The following OSBPL10 variants were observed in gnomAD, a reference collection of about 807,000 sequenced individuals.
The protein encoded by OSBPL10 is oxysterol binding protein like 10.
OSBPL10 carries 49 observed loss-of-function variants against 81.7 expected under a neutral mutation model. That is an observed-to-expected ratio of 0.60 (90% CI 0.48 to 0.76). The LOEUF is 0.76. Ranked by LOEUF, OSBPL10 falls within the 30% of genes least tolerant of loss-of-function variation. The pLI, the probability that OSBPL10 is intolerant of heterozygous loss-of-function variation, is 0.00. For synonymous variants in OSBPL10, 419 were observed against 383.6 expected, an observed-to-expected ratio of 1.09 and a Z score of -1.08; for missense variants, 923 against 987.8, an observed-to-expected ratio of 0.93 and a Z score of 0.88.
chr3:31,678,878 T>C (rs973009162), intron 8 of OSBPL10, among the ~76,000 whole-genome samples: 1 of 151,774 alleles, frequency 6.6e-6, no homozygotes, highest in Non-Finnish European at 1.5e-5. Flanking sequence ...TCTGCTTCTA[T>C]CTTTGCACTG....
At chr3:32,001,267 T>TC (rs1462533504) in intron 2 of OSBPL10, among the ~76,000 whole-genome samples, 4 of 152,156 alleles carry the variant, frequency 2.6e-5, no homozygotes, top group Non-Finnish European at 5.9e-5. Context: ...CTTCCCGGTC[T>TC]CCAACCCTTC....
chr3:32,068,997 G>A (rs1699805340), intron 1 of OSBPL10, among the ~76,000 whole-genome samples: 1 of 151,878 alleles, frequency 6.6e-6, no homozygotes, highest in African/African-American at 2.4e-5. Flanking sequence ...CCCACACCCG[G>A]TCTGGTTTAC....
At chr3:31,892,776 CA>C (rs1464473520) in intron 1 of OSBPL10, among the ~76,000 whole-genome samples, 1 of 152,096 alleles carries the variant, frequency 6.6e-6, no homozygotes, top group African/African-American at 2.4e-5. Flanking sequence ...GGTAAAGTGG[CA>C]ATTGCAGGCA....
chr3:31,969,731 T>A (rs2125487379), intron 1 of OSBPL10, among the ~76,000 whole-genome samples: 1 of 152,262 alleles, frequency 6.6e-6, no homozygotes, highest in South Asian at 2.1e-4. Context: ...GGCAGGCACC[T>A]GTAATCCCAG....
chr3:31,960,720 T>C (rs1007209688), intron 1 of OSBPL10, among the ~76,000 whole-genome samples: 4 of 152,150 alleles, frequency 2.6e-5, no homozygotes, highest in African/African-American at 4.8e-5. Context: ...CTGGAAACTG[T>C]TGCAAGAGAC....
chr3:31,999,549 A>G (rs1699124830), intron 2 of OSBPL10, among the ~76,000 whole-genome samples: 1 of 151,876 alleles, frequency 6.6e-6, no homozygotes, highest in African/African-American at 2.4e-5. Flanking sequence ...TAGTAGAGAC[A>G]CGGTTTCTCC....
intron 4 of OSBPL10, among the ~76,000 whole-genome samples, chr3:31,761,813 T>TTAAAAAAAAAAAAAAAAAAAAAAA (rs1440652912): frequency 9.3e-6 from 1 of 107,554 alleles, no homozygotes; most frequent in African/African-American, 6.4e-5. Context: ...AGACTGTCTC[T>TTAAAAAAAAAAAAAAAAAAAAAAA]AAAAAAAAAA....
chr3:31,942,886 T>C (rs906527519), intron 1 of OSBPL10, among the ~76,000 whole-genome samples: 1 of 152,228 alleles, frequency 6.6e-6, no homozygotes, highest in Non-Finnish European at 1.5e-5. Flanking sequence ...CATGTTTAGG[T>C]GTACAATTCA....
chr3:31,944,884 G>T (rs1031675276), intron 1 of OSBPL10, among the ~76,000 whole-genome samples: 16 of 140,412 alleles, frequency 1.1e-4, no homozygotes, highest in African/African-American at 4.3e-4. Context: ...CAGGCACAGT[G>T]GCTTATGCCT....
chr3:31,989,729 T>C, intron 2 of OSBPL10: 1 of 1,614,100 alleles, frequency 6.2e-7, no homozygotes, highest in Non-Finnish European at 8.5e-7. Context: ...TCATCATTAC[T>C]CACACTAAAA....
At position 31,981,089 on chromosome 3, in the gene OSBPL10, G is replaced by C; in HGVS notation, c.91C>G (p.Pro31Ala). ...CCCCGGCCCGCCAGAGAGCAGGAGG[G>C]CGAGGAGCCCGCCGAGGTAGCACGG... ...SSRATSAGSS[P>A]SCSLAGRGVS... is the part of the protein sequence containing the mutation. The change falls in exon 1 of 12, where the codon CCC (proline) becomes GCC (alanine). Residue 31 changes from proline to alanine, a missense_variant. Coordinates refer to ENST00000396556, the MANE Select transcript of OSBPL10 (RefSeq NM_017784.5). This position sits in a 1 kb window ranked among gnomAD's most constrained non-coding sequence, Gnocchi z 4.5. 6.7e-7 allele frequency: 1 copy of C among 1,493,032 alleles called. No homozygotes were observed. The highest frequency in any genetic ancestry group is 2.3e-5 in the Admixed American group (1 of 44,008). The allele number at this position is 1,493,032 out of a possible 1,614,324, so 92.5% of individuals were successfully genotyped here.
At chr3:31,812,902 T>G (rs1354292768) in intron 4 of OSBPL10, among the ~76,000 whole-genome samples, 2 of 152,104 alleles carry the variant, frequency 1.3e-5, no homozygotes, top group East Asian at 3.9e-4. Context: ...AAAGATAAAA[T>G]GTGTACTAAA....
At chr3:31,879,893 A>C (rs1559503092) in intron 1 of OSBPL10, 63 bp from the exon 2 acceptor site, 1 of 1,494,424 alleles carries the variant, frequency 6.7e-7, no homozygotes, top group Non-Finnish European at 8.9e-7. Flanking sequence ...AGCAAAGCAG[A>C]AAAAAGCAAA....
At chr3:31,779,379 T>G (rs1698627585) in intron 4 of OSBPL10, among the ~76,000 whole-genome samples, 1 of 152,138 alleles carries the variant, frequency 6.6e-6, no homozygotes, top group South Asian at 2.1e-4. Flanking sequence ...AAAAAGATAT[T>G]CCATGCAAAT....
chr3:31,926,741 T>C (rs1697085636), intron 1 of OSBPL10, among the ~76,000 whole-genome samples: 1 of 152,112 alleles, frequency 6.6e-6, no homozygotes, highest in South Asian at 2.1e-4. Flanking sequence ...GTTATTACTT[T>C]GACATATGAA....
chr3:31,683,876 T>C lies in OSBPL10; in HGVS notation c.1484A>G (p.Lys495Arg). The change falls in exon 8 of 12, where the codon AAG becomes AGG. Residue 495 changes from lysine (K) to arginine (R), a missense_variant. Lys to Arg is a conservative substitution (Grantham distance 26, BLOSUM62 2). Transcript: ENST00000396556. The stretch of plus-strand genomic sequence containing the variant: ...AGTCCTCTTAGGCTTGACCCTGTCC[T>C]TGGGAACTTCCCAGGAGCAGTGAAA... Reference protein sequence around the residue: ...ETFHCSWEVPKDRVKPKRTAS... With the variant: ...ETFHCSWEVPRDRVKPKRTAS... 1.2e-6 allele frequency: 2 copies of C among 1,614,212 alleles called. No homozygotes were observed. Among genetic ancestry groups the C allele is most frequent in the Non-Finnish European group, 1.7e-6 (2 of 1,180,034 alleles).
chr3:31,781,245 A>G (rs536944180), intron 4 of OSBPL10, among the ~76,000 whole-genome samples: 2 of 152,236 alleles, frequency 1.3e-5, no homozygotes, highest in East Asian at 1.9e-4. Context: ...TGGAAAAAGC[A>G]TTTGACAAAA....
intron 1 of OSBPL10, among the ~76,000 whole-genome samples, chr3:31,968,639 C>G (rs1698473500): frequency 6.6e-6 from 1 of 152,142 alleles, no homozygotes; most frequent in Non-Finnish European, 1.5e-5. Context: ...AATGGCCTAT[C>G]CTATTAATCA....
At chr3:32,027,141 T>C (rs1699423130) in intron 2 of OSBPL10, among the ~76,000 whole-genome samples, 1 of 152,142 alleles carries the variant, frequency 6.6e-6, no homozygotes, top group Admixed American at 6.6e-5. Context: ...CAACCCATCA[T>C]CTACATTAGG....
Sources: gnomAD v4.1 joint callset for allele counts (sites outside exome capture counted in the v4.1 genomes callset) on GRCh38, gnomAD v4.1.1 for gene constraint, Gnocchi (gnomAD v3.1) non-coding constraint, MANE v1.5 for transcripts, NCBI Gene and HGNC (gene_info 2026-07-23, HGNC 2026-07-21) for gene names.